SENP1: variants seen among roughly 807,000 people sequenced by gnomAD.
The protein encoded by SENP1 is sentrin-specific protease 1.
Under a neutral mutation model 93.0 loss-of-function variants are expected in SENP1, and 21 were observed. The ratio of observed to expected loss-of-function variants is 0.23; its 90% CI spans 0.16 to 0.33. The LOEUF is 0.33. Among genes scored for constraint, SENP1 ranks in the 10% least tolerant of loss-of-function variants. The probability of loss-of-function intolerance (pLI) is 1.00; values close to 1 mark genes in which losing one functional copy is unlikely to be tolerated. For synonymous variants in SENP1, 256 were observed against 259.6 expected, an observed-to-expected ratio of 0.99 and a Z score of 0.13; for missense variants, 591 against 758.7, an observed-to-expected ratio of 0.78 and a Z score of 2.60.
intron 3 of SENP1, among the ~76,000 whole-genome samples, chr12:48,097,491 T>C (rs796555267): frequency 7.2e-5 from 11 of 152,332 alleles, no homozygotes; most frequent in African/African-American, 2.6e-4. Flanking sequence ...TTCATGTGCA[T>C]ATAAATCAAA....
chr12:48,052,467 C>T (rs1158187454), intron 13 of SENP1, among the ~76,000 whole-genome samples: 1 of 152,148 alleles, frequency 6.6e-6, no homozygotes. Flanking sequence ...AATTTTACCT[C>T]TCTAGATTTT....
intron 13 of SENP1, among the ~76,000 whole-genome samples, chr12:48,061,276 T>C (rs1942945150): frequency 1.3e-5 from 2 of 152,160 alleles, no homozygotes; most frequent in African/African-American, 4.8e-5. Flanking sequence ...TAATACATCT[T>C]ATAAAGCAGG....
intron 13 of SENP1, among the ~76,000 whole-genome samples, chr12:48,056,434 T>A (rs1383091720): frequency 9.4e-6 from 1 of 106,386 alleles, no homozygotes. Context: ...ATATTACATA[T>A]ATAATTATTT....
At chr12:48,089,862 A>T (rs774250571) in intron 4 of SENP1, among the ~76,000 whole-genome samples, 7 of 152,240 alleles carry the variant, frequency 4.6e-5, no homozygotes, top group Non-Finnish European at 1.0e-4. Context: ...TTTTGAAGAT[A>T]TTCTTTTAAA....
intron 6 of SENP1, among the ~76,000 whole-genome samples, chr12:48,079,361 C>T (rs1230839086): frequency 6.6e-6 from 1 of 151,620 alleles, no homozygotes; most frequent in East Asian, 2.0e-4. Flanking sequence ...TAGCCCGGCA[C>T]GGTGCTGCCC....
Position 48,045,295 on chromosome 12 carries a change from G to A in SENP1, c.*27C>T. On this transcript the variant is annotated 3_prime_UTR_variant, in exon 18 of 18. Coordinates refer to ENST00000549518, the MANE Select transcript of SENP1 (RefSeq NM_001267594.2). Reference sequence around the variant, plus strand: ...CAACAAAGAGCTGGTCCCCCACATGGTCAAGGTCTGCTAAGTGAGACAGTC... The same window carrying A: ...CAACAAAGAGCTGGTCCCCCACATGATCAAGGTCTGCTAAGTGAGACAGTC... 1 of 1,603,072 alleles carries A rather than the reference G, an allele frequency of 6.2e-7. No homozygotes were observed. Among genetic ancestry groups the A allele is most frequent in the Non-Finnish European group, 8.5e-7 (1 of 1,170,282 alleles).
intron 13 of SENP1, among the ~76,000 whole-genome samples, chr12:48,052,135 A>G (rs1289634525): frequency 2.0e-5 from 3 of 152,194 alleles, no homozygotes; most frequent in African/African-American, 7.2e-5. Context: ...AGCTGAAAAA[A>G]GCTTTTCTTT....
chr12:48,078,334 T>TATATATATATATATACACACACAC, intron 6 of SENP1, among the ~76,000 whole-genome samples: 6 of 67,896 alleles, frequency 8.8e-5, no homozygotes, highest in African/African-American at 2.4e-4. Context: ...TATATATATA[T>TATATATATATATATACACACACAC]ACACACACAT....
At position 48,079,266 on chromosome 12, in the gene SENP1, G is replaced by A. The variant is rs373089973; in HGVS notation, c.552+4325C>T. Reference sequence around the variant, plus strand: ...TGTAATACCAGCACTTTGGGAGGCCGAGGCAGGTGGATCATGAAGTCAGTA... The same window carrying A: ...TGTAATACCAGCACTTTGGGAGGCCAAGGCAGGTGGATCATGAAGTCAGTA... On this transcript the variant is annotated intron_variant, in intron 6 of 17. Transcript: ENST00000549518. Among the ~76,000 whole-genome samples, 10 of 152,114 alleles carry A rather than the reference G, an allele frequency of 6.6e-5. No homozygotes were observed. The East Asian group carries it at 1.3e-3, about 21-fold the overall frequency.
intron 5 of SENP1, among the ~76,000 whole-genome samples, chr12:48,085,810 C>G (rs368443878): frequency 6.6e-6 from 1 of 151,122 alleles, no homozygotes; most frequent in Non-Finnish European, 1.5e-5. Context: ...GTGGATGCAG[C>G]TAGGAAAAGA....
chr12:48,085,229 A>G, intron 5 of SENP1: 1 of 1,546,350 alleles, frequency 6.5e-7, no homozygotes, highest in Non-Finnish European at 8.9e-7. Context: ...GGCAATTTCT[A>G]AACCGGGATG....
At chr12:48,085,307 G>C in intron 5 of SENP1, 1 of 1,502,358 alleles carries the variant, frequency 6.7e-7, no homozygotes, top group Non-Finnish European at 9.3e-7. Context: ...ACACCCACCA[G>C]CACTCTATCC....
At chr12:48,064,924 G>A (rs548161391) in intron 12 of SENP1, 141 bp downstream of exon 12, 15 of 597,778 alleles carry the variant, frequency 2.5e-5, no homozygotes, top group Admixed American at 1.5e-4. Flanking sequence ...TGATCCACCC[G>A]CTTCAGTCTC....
rs1169603738 is a variant in SENP1 at position 48,066,514 on chromosome 12, CT to C, written c.1034+412del. ...AACTTAAAAGTATAAACAGGCACTT[CT>C]TTTTTTTTTTTTTTGAGATGGAGTC... On this transcript the variant is annotated intron_variant, in intron 10 of 17. Coordinates refer to ENST00000549518, the MANE Select transcript of SENP1 (RefSeq NM_001267594.2). Among the ~76,000 whole-genome samples the C allele has an allele frequency of 3.6e-3, 503 of 140,794 alleles. 1 individual carries two copies. The highest frequency in any genetic ancestry group is 4.2e-3 in the African/African-American group (164 of 38,644). 92.4% of individuals were successfully genotyped at this position (140,794 alleles called of 152,430 possible). A position where few individuals can be genotyped will look rare whatever the true frequency, so the allele number is the denominator to read the frequency against.
chr12:48,105,211 T>C, intron 1 of SENP1: 2 of 351,964 alleles, frequency 5.7e-6, no homozygotes, highest in Non-Finnish European at 1.1e-5. Flanking sequence ...GTGTACCAAA[T>C]ATGAAGTAAA....
intron 5 of SENP1, among the ~76,000 whole-genome samples, chr12:48,087,873 T>G (rs1375676230): frequency 2.0e-5 from 3 of 152,190 alleles, no homozygotes; most frequent in Non-Finnish European, 4.4e-5. Context: ...GGGCAGAATT[T>G]AAGTAGTCAT....
intron 6 of SENP1, among the ~76,000 whole-genome samples, chr12:48,077,395 C>T (rs1157615187): frequency 6.6e-6 from 1 of 152,106 alleles, no homozygotes; most frequent in Admixed American, 6.5e-5. Context: ...TTTAGAGTTT[C>T]TAGTCTTAAA....
intron 4 of SENP1, among the ~76,000 whole-genome samples, chr12:48,093,306 T>G (rs780821934): frequency 5.0e-5 from 6 of 118,900 alleles, no homozygotes; most frequent in Non-Finnish European, 1.0e-4. Flanking sequence ...TTTTTGGAAA[T>G]GGAGTCTCAC....
intron 13 of SENP1, among the ~76,000 whole-genome samples, chr12:48,055,955 T>C (rs1201519997): frequency 7.4e-6 from 1 of 136,012 alleles, no homozygotes; most frequent in Non-Finnish European, 1.5e-5. Context: ...TAATAATATA[T>C]GTAATATATC....
Sources: gnomAD v4.1 joint callset for allele counts (sites outside exome capture counted in the v4.1 genomes callset) on GRCh38, gnomAD v4.1.1 for gene constraint, MANE v1.5 for transcripts, NCBI Gene and HGNC (gene_info 2026-07-23, HGNC 2026-07-21) for gene names.